DMD: variants seen among roughly 807,000 people sequenced by gnomAD.
DMD encodes the protein dystrophin.
In DMD, 63 loss-of-function variants were observed where a neutral mutation model predicts 330.1. The ratio of observed to expected loss-of-function variants is 0.19; its 90% CI spans 0.16 to 0.24. DMD has a LOEUF of 0.24. Ranked by LOEUF, DMD falls within the 10% of genes least tolerant of loss-of-function variation. The pLI is 1.00. For missense variants in DMD, 3,344 were observed against 2,684.1 expected (o/e 1.25, Z -5.43); for synonymous variants, 1,223 against 959.8 (o/e 1.27, Z -5.07).
chrX:32,681,661 G>A (rs960943653), intron 9 of DMD, among the ~76,000 whole-genome samples: 1 of 111,699 alleles, frequency 9.0e-6, no homozygotes, highest in Non-Finnish European at 1.9e-5. Context: ...GCATATAAAA[G>A]AAACGTGATG....
intron 9 of DMD, among the ~76,000 whole-genome samples, chrX:32,692,555 T>C (rs1451319014): frequency 9.0e-6 from 1 of 111,711 alleles, no homozygotes; most frequent in Non-Finnish European, 1.9e-5. Context: ...CAACACAGGA[T>C]TGCTGGATGT....
chrX:32,796,099 C>G (rs532834695), intron 7 of DMD, among the ~76,000 whole-genome samples: 3 of 87,639 alleles, frequency 3.4e-5, no homozygotes, highest in African/African-American at 1.1e-4. Context: ...GTCAGCAATG[C>G]CACTAATAAG....
intron 11 of DMD, among the ~76,000 whole-genome samples, chrX:32,626,291 AC>A (rs751151638): frequency 1.8e-5 from 2 of 110,315 alleles, no homozygotes; most frequent in South Asian, 7.8e-4. Context: ...GCCAATAGAA[AC>A]CCCATCTCTA....
At chrX:32,346,484 T>G (rs750867985) in intron 38 of DMD, among the ~76,000 whole-genome samples, 31 of 111,691 alleles carry the variant, frequency 2.8e-4, no homozygotes, top group South Asian at 3.7e-4. Flanking sequence ...AGATGTGTAT[T>G]TGTGACTGAG....
At chrX:32,519,398 C>T (rs2046211446) in intron 17 of DMD, among the ~76,000 whole-genome samples, 1 of 110,572 alleles carries the variant, frequency 9.0e-6, no homozygotes, top group Non-Finnish European at 1.9e-5. Flanking sequence ...GAAATCCGCT[C>T]TTTAAATTTA....
At chrX:32,580,720 T>A (rs1230166109) in intron 13 of DMD, among the ~76,000 whole-genome samples, 2 of 111,977 alleles carry the variant, frequency 1.8e-5, no homozygotes, top group Non-Finnish European at 3.8e-5. Flanking sequence ...TAATGATAAT[T>A]TTTTTTGCAT....
At chrX:31,123,303 T>C (rs1228562415) in intron 78 of DMD, among the ~76,000 whole-genome samples, 1 of 112,241 alleles carries the variant, frequency 8.9e-6, no homozygotes, top group Non-Finnish European at 1.9e-5. Flanking sequence ...GCTTTATTAG[T>C]GCAAAGAATT....
intron 1 of DMD, among the ~76,000 whole-genome samples, chrX:33,122,457 C>T (rs985836188): frequency 8.9e-5 from 10 of 111,850 alleles, no homozygotes; most frequent in African/African-American, 3.2e-4. Context: ...CTCCTCATTA[C>T]TCTTTAACCA....
intron 2 of DMD, among the ~76,000 whole-genome samples, chrX:32,885,769 A>G (rs1414918880): frequency 1.9e-5 from 2 of 105,349 alleles, no homozygotes; most frequent in Non-Finnish European, 3.9e-5. Flanking sequence ...AGGGTTTAGA[A>G]TATTTCAATA....
At chrX:31,186,796 G>T (rs2041817895) in intron 67 of DMD, among the ~76,000 whole-genome samples, 1 of 112,525 alleles carries the variant, frequency 8.9e-6, no homozygotes, top group Non-Finnish European at 1.9e-5. Flanking sequence ...TTTTGGCATG[G>T]CACCACAGAG....
chrX:33,138,396 C>T (rs2047625324), intron 1 of DMD, among the ~76,000 whole-genome samples: 1 of 111,679 alleles, frequency 9.0e-6, no homozygotes, highest in African/African-American at 3.3e-5. Context: ...TTACTTAATT[C>T]GTATTCTCAC....
rs1491060631 is a variant in DMD at position 32,846,746 on chromosome X, A to AAAT, written c.187-1887_187-1886insATT. On this transcript the variant is annotated intron_variant, in intron 3 of 78. Transcript: ENST00000357033. ...TTTAAAAAAAAAAAAAAAAAAAAAA[A>AAAT]AGCAACAGCCAGACATTTGGGGAGG... Among the ~76,000 whole-genome samples, 7 of 94,579 alleles carry AAAT rather than the reference A, an allele frequency of 7.4e-5. No individual in the cohort carries two copies. The East Asian group carries it at 2.1e-3, about 28-fold the overall frequency. 82.1% of individuals were successfully genotyped at this position (94,579 alleles called of 115,157 possible).
rs569967570 is a variant in DMD at position 32,079,943 on chromosome X, G to A, written c.6439-111429C>T. 8.0e-5 allele frequency among the ~76,000 whole-genome samples: 9 copies of A among 111,951 alleles called. No individual in the cohort carries two copies. In the South Asian group the frequency reaches 3.4e-3, roughly 42 times the overall value. ...CCTTTGACAAGTGACCTGACATGATGAATAAAAACTTATAGGGTTTAAGGA... is the reference window on the plus strand; with the variant it reads ...CCTTTGACAAGTGACCTGACATGATAAATAAAAACTTATAGGGTTTAAGGA... On this transcript the variant is annotated intron_variant, in intron 44 of 78. Transcript: ENST00000357033.
At chrX:31,195,275 T>C (rs1352230622) in intron 67 of DMD, among the ~76,000 whole-genome samples, 3 of 111,687 alleles carry the variant, frequency 2.7e-5, no homozygotes, top group Non-Finnish European at 5.6e-5. Flanking sequence ...ACAACTGTCC[T>C]GACCTCAGGC....
chrX:32,050,515 G>C (rs1370556295), intron 44 of DMD, among the ~76,000 whole-genome samples: 1 of 111,466 alleles, frequency 9.0e-6, no homozygotes, highest in African/African-American at 3.3e-5. Context: ...TGAAAGAATT[G>C]AATTGATTTC....
intron 13 of DMD, among the ~76,000 whole-genome samples, chrX:32,591,327 T>C (rs963844370): frequency 1.8e-5 from 2 of 112,197 alleles, no homozygotes; most frequent in Non-Finnish European, 3.8e-5. Flanking sequence ...TTTTAACTTG[T>C]ACAGAATAAC....
At chrX:32,556,386 C>T (rs1462464003) in intron 16 of DMD, among the ~76,000 whole-genome samples, 1 of 111,142 alleles carries the variant, frequency 9.0e-6, no homozygotes. Flanking sequence ...TTAGTTCAAC[C>T]CTTGTGGAAG....
intron 44 of DMD, among the ~76,000 whole-genome samples, chrX:32,108,675 C>T (rs1453221293): frequency 9.0e-6 from 1 of 111,639 alleles, no homozygotes; most frequent in Non-Finnish European, 1.9e-5. Context: ...AATCATATAC[C>T]TATAGCTACA....
intron 7 of DMD, among the ~76,000 whole-genome samples, chrX:32,720,502 C>T (rs1421943809): frequency 2.7e-5 from 3 of 111,684 alleles, no homozygotes; most frequent in East Asian, 2.8e-4. Flanking sequence ...ATTTTTTTAA[C>T]GCCTTTTTAG....
Sources: allele counts gnomAD v4.1 joint callset (sites outside exome capture counted in the v4.1 genomes callset), GRCh38; gene constraint gnomAD v4.1.1; transcripts MANE v1.5; gene names NCBI Gene and HGNC (gene_info 2026-07-23, HGNC 2026-07-21).